SDK1: variants seen among roughly 807,000 people sequenced by gnomAD.
The protein encoded by SDK1 is sidekick cell adhesion molecule 1, also known as protein sidekick-1.
SDK1 carries 157 observed loss-of-function variants against 245.5 expected under a neutral mutation model. That is an observed-to-expected ratio of 0.64 (90% CI 0.56 to 0.73). The LOEUF (loss-of-function observed/expected upper bound fraction) is 0.73. Among genes scored for constraint, SDK1 ranks in the 30% least tolerant of loss-of-function variants. SDK1 has a pLI of 0.00. For synonymous variants in SDK1, 1,647 were observed against 1,278.5 expected, an observed-to-expected ratio of 1.29 and a Z score of -6.15; for missense variants, 3,583 against 3,002.3, an observed-to-expected ratio of 1.19 and a Z score of -4.52.
chr7:4,126,004 CTT>C (rs1784371480), intron 25 of SDK1, among the ~76,000 whole-genome samples: 1 of 152,186 alleles, frequency 6.6e-6, no homozygotes, highest in Admixed American at 6.5e-5. Context: ...CAAAAGGAGA[CTT>C]TGCCACCAAA....
chr7:3,957,216 G>C (rs1781341646), intron 7 of SDK1, among the ~76,000 whole-genome samples: 2 of 152,212 alleles, frequency 1.3e-5, no homozygotes. Context: ...CCCTTGTGCT[G>C]ATGGACACGT....
At chr7:3,472,231 T>G (rs560458185) in intron 1 of SDK1, among the ~76,000 whole-genome samples, 1 of 152,338 alleles carries the variant, frequency 6.6e-6, no homozygotes, top group East Asian at 1.9e-4. Context: ...AATTCCATCT[T>G]TAGCCATAGT....
chr7:3,596,945 T>C (rs888873057), intron 1 of SDK1, among the ~76,000 whole-genome samples: 2 of 152,122 alleles, frequency 1.3e-5, no homozygotes, highest in East Asian at 3.8e-4. Flanking sequence ...GTTTGAACAC[T>C]GGCCGCCTGT....
At chr7:4,245,913 C>A in intron 44 of SDK1, 108 bp downstream of exon 44, 3 of 1,350,922 alleles carry the variant, frequency 2.2e-6, no homozygotes, top group East Asian at 2.4e-5. Context: ...ATAACATCCC[C>A]ACAGGCAGAG....
chr7:3,993,001 C>G (rs1040885235), intron 14 of SDK1, among the ~76,000 whole-genome samples: 2 of 152,174 alleles, frequency 1.3e-5, no homozygotes, highest in African/African-American at 2.4e-5. Flanking sequence ...TGTTCACTTT[C>G]TCTTTTGATA....
chr7:3,859,863 C>A (rs754117714), intron 5 of SDK1, among the ~76,000 whole-genome samples: 2 of 152,036 alleles, frequency 1.3e-5, no homozygotes, highest in Non-Finnish European at 2.9e-5. Context: ...AAAATAATGA[C>A]GTGTGGGGAA....
intron 1 of SDK1, among the ~76,000 whole-genome samples, chr7:3,480,456 C>T (rs982665899): frequency 6.6e-6 from 1 of 151,334 alleles, no homozygotes; most frequent in Non-Finnish European, 1.5e-5. Flanking sequence ...TTCCGTGTTC[C>T]AGATAAGCTG....
intron 1 of SDK1, among the ~76,000 whole-genome samples, chr7:3,574,525 A>C (rs374952764): frequency 6.6e-6 from 1 of 152,080 alleles, no homozygotes; most frequent in East Asian, 1.9e-4. Context: ...TTGTTGCTGA[A>C]GTATATGAAT....
At chr7:3,392,846 C>T (rs548226359) in intron 1 of SDK1, among the ~76,000 whole-genome samples, 9 of 151,420 alleles carry the variant, frequency 5.9e-5, no homozygotes, top group Middle Eastern at 3.4e-3. Flanking sequence ...TATCGCATTT[C>T]GTGTATTCAT....
chr7:3,656,463 C>T (rs537500295), intron 4 of SDK1, among the ~76,000 whole-genome samples: 1 of 152,286 alleles, frequency 6.6e-6, no homozygotes, highest in East Asian at 1.9e-4. Context: ...TCCCGAAGTG[C>T]AAAATTCCCT....
chr7:3,761,155 G>A (rs761154963), intron 4 of SDK1, among the ~76,000 whole-genome samples: 2 of 151,868 alleles, frequency 1.3e-5, no homozygotes, highest in Non-Finnish European at 2.9e-5. Context: ...CTTTTTCCAG[G>A]TGAGCGTGTG....
chr7:3,626,481 T>C (rs974063375), intron 2 of SDK1, among the ~76,000 whole-genome samples: 1 of 152,250 alleles, frequency 6.6e-6, no homozygotes, highest in African/African-American at 2.4e-5. Context: ...ATTTTAGGTA[T>C]GCATAACTCT....
At chr7:4,241,035 G>T (rs1171296749) in intron 42 of SDK1, among the ~76,000 whole-genome samples, 1 of 152,194 alleles carries the variant, frequency 6.6e-6, no homozygotes, top group Non-Finnish European at 1.5e-5. Context: ...TTTTTATGTT[G>T]TTCGGTTTTT....
intron 1 of SDK1, among the ~76,000 whole-genome samples, chr7:3,579,992 C>A (rs1212012143): frequency 6.6e-6 from 1 of 152,136 alleles, no homozygotes; most frequent in African/African-American, 2.4e-5. Context: ...TTCCTATACA[C>A]CAACAACATC....
intron 16 of SDK1, 103 bp downstream of exon 16, chr7:4,012,338 C>G: frequency 8.0e-7 from 1 of 1,256,408 alleles, no homozygotes; most frequent in Non-Finnish European, 1.1e-6. Context: ...AAACAGGAAC[C>G]AAAGGAGTCA....
intron 1 of SDK1, among the ~76,000 whole-genome samples, chr7:3,525,188 G>A (rs1182608641): frequency 6.6e-6 from 1 of 151,942 alleles, no homozygotes; most frequent in Non-Finnish European, 1.5e-5. Context: ...TGAGGTTTTG[G>A]GTATTCTTGG....
intron 20 of SDK1, among the ~76,000 whole-genome samples, chr7:4,073,743 C>A (rs1780422351): frequency 6.6e-6 from 1 of 152,178 alleles, no homozygotes; most frequent in East Asian, 1.9e-4. Flanking sequence ...GGAGGAGGCG[C>A]TTTGAGAGCA....
chr7:3,303,051 T>G (rs1282085590), intron 1 of SDK1, among the ~76,000 whole-genome samples: 1 of 151,402 alleles, frequency 6.6e-6, no homozygotes, highest in African/African-American at 2.4e-5. Context: ...GTTATCTAAA[T>G]TGTGCCCCTC....
intron 6 of SDK1, 130 bp from the exon 7 acceptor site, chr7:3,951,600 T>C: frequency 2.8e-6 from 2 of 704,642 alleles, no homozygotes; most frequent in South Asian, 1.8e-5. Flanking sequence ...GTTTTCAGTG[T>C]CCGTTGTTCA....
Sources: gnomAD v4.1 joint callset for allele counts (sites outside exome capture counted in the v4.1 genomes callset) on GRCh38, gnomAD v4.1.1 for gene constraint, MANE v1.5 for transcripts, NCBI Gene and HGNC (gene_info 2026-07-23, HGNC 2026-07-21) for gene names.